The following TENM2 variants were observed in gnomAD, a reference collection of about 807,000 sequenced individuals.
TENM2 encodes the protein teneurin transmembrane protein 2.
Under a neutral mutation model 245.2 loss-of-function variants are expected in TENM2, and 52 were observed. The ratio of observed to expected loss-of-function variants is 0.21; its 90% CI spans 0.17 to 0.27. The LOEUF is 0.27. Ranked by LOEUF, TENM2 falls within the 10% of genes least tolerant of loss-of-function variation. The probability of loss-of-function intolerance (pLI) is 1.00; values close to 1 mark genes in which losing one functional copy is unlikely to be tolerated. For synonymous variants in TENM2, 1,363 were observed against 1,438.9 expected (o/e 0.95, Z 1.19); for missense variants, 3,046 against 3,666.8 (o/e 0.83, Z 4.37).
chr5:167,370,077 T>G (rs972113099), intron 1 of TENM2, among the ~76,000 whole-genome samples: 1 of 152,124 alleles, frequency 6.6e-6, no homozygotes, highest in African/African-American at 2.4e-5. Context: ...GCGCGGTGGC[T>G]CACGCCTGTA....
At chr5:167,200,593 C>T in the TENM2 span, among the ~76,000 whole-genome samples, 1 of 151,976 alleles carries the variant, frequency 6.6e-6, no homozygotes, top group Non-Finnish European at 1.5e-5. Context: ...CAATGTATAG[C>T]ATGTTATGCA....
chr5:167,479,057 T>C (rs1561989910), intron 2 of TENM2, among the ~76,000 whole-genome samples: 1 of 152,080 alleles, frequency 6.6e-6, no homozygotes. Context: ...ATGACAGTGA[T>C]ATCAGTTTGG....
chr5:167,428,703 T>A (rs896733129), intron 2 of TENM2, among the ~76,000 whole-genome samples: 26 of 152,206 alleles, frequency 1.7e-4, no homozygotes, highest in African/African-American at 6.3e-4. Context: ...TGTTTTAGTA[T>A]ATAACTCTGA....
chr5:167,969,737 G>T (rs948591907), intron 4 of TENM2, among the ~76,000 whole-genome samples: 1 of 152,232 alleles, frequency 6.6e-6, no homozygotes, highest in East Asian at 1.9e-4. Flanking sequence ...TATTCTCAAA[G>T]CTTAGAAACC....
At chr5:167,410,274 G>A (rs1762839172) in intron 2 of TENM2, among the ~76,000 whole-genome samples, 1 of 151,940 alleles carries the variant, frequency 6.6e-6, no homozygotes, top group Non-Finnish European at 1.5e-5. Flanking sequence ...TGAGACAGAT[G>A]GCCTATCTTT....
chr5:167,975,189 A>G (rs1364601930), intron 4 of TENM2, among the ~76,000 whole-genome samples: 3 of 152,196 alleles, frequency 2.0e-5, no homozygotes, highest in Non-Finnish European at 2.9e-5. Flanking sequence ...CCAAGATGGC[A>G]GTGACAAGCT....
chr5:168,097,688 G>A (rs951358140), intron 8 of TENM2, among the ~76,000 whole-genome samples: 8 of 152,092 alleles, frequency 5.3e-5, no homozygotes, highest in African/African-American at 1.9e-4. Context: ...CTGACCTCAT[G>A]TGATCCACTT....
intron 2 of TENM2, among the ~76,000 whole-genome samples, chr5:167,435,965 C>CTTTTTTTTTTTTTTTTTTTTTTTT (rs1284748347): frequency 7.9e-6 from 1 of 125,964 alleles, no homozygotes; most frequent in Non-Finnish European, 1.7e-5. Context: ...ATTTCTTTTT[C>CTTTTTTTTTTTTTTTTTTTTTTTT]TTTTTTTTTC....
intron 21 of TENM2, among the ~76,000 whole-genome samples, chr5:168,215,859 G>T (rs1468869654): frequency 1.3e-5 from 2 of 152,184 alleles, no homozygotes; most frequent in East Asian, 3.9e-4. Flanking sequence ...AAAGCCCAGC[G>T]AGGGGCCTCT....
intron 9 of TENM2, among the ~76,000 whole-genome samples, chr5:168,114,277 G>A (rs1487405977): frequency 6.6e-6 from 1 of 152,140 alleles, no homozygotes; most frequent in African/African-American, 2.4e-5. Flanking sequence ...TCCACAGCTG[G>A]TAAGGTACAG....
At chr5:168,183,382 C>CAA (rs113892292) in intron 13 of TENM2, among the ~76,000 whole-genome samples, 1 of 145,662 alleles carries the variant, frequency 6.9e-6, no homozygotes, top group African/African-American at 2.5e-5. Context: ...GGGCCCAGCA[C>CAA]AAAAAAAAAA....
At chr5:166,999,450 A>G in the TENM2 span, among the ~76,000 whole-genome samples, 1 of 152,216 alleles carries the variant, frequency 6.6e-6, no homozygotes, top group Non-Finnish European at 1.5e-5. Flanking sequence ...GTGGCAGATC[A>G]AGCATAGATT....
chr5:167,489,887 A>G (rs998896184), intron 2 of TENM2, among the ~76,000 whole-genome samples: 4 of 152,210 alleles, frequency 2.6e-5, no homozygotes, highest in African/African-American at 9.6e-5. Context: ...TTCTGGTACA[A>G]TAATATTCCA....
chr5:167,385,077 A>G (rs1284188127), intron 2 of TENM2, among the ~76,000 whole-genome samples: 1 of 152,216 alleles, frequency 6.6e-6, no homozygotes, highest in East Asian at 1.9e-4. Flanking sequence ...ATTTAACCAA[A>G]TGATTAAATA....
intron 2 of TENM2, among the ~76,000 whole-genome samples, chr5:167,501,417 G>A (rs1001535920): frequency 5.3e-5 from 8 of 152,078 alleles, no homozygotes; most frequent in African/African-American, 1.9e-4. Flanking sequence ...CAAGTAGAAG[G>A]CACCCAACAA....
chr5:167,424,679 A>G (rs1300136830), intron 2 of TENM2, among the ~76,000 whole-genome samples: 2 of 152,044 alleles, frequency 1.3e-5, no homozygotes. Context: ...GAAATGTAAA[A>G]TTACATCTTG....
intron 2 of TENM2, among the ~76,000 whole-genome samples, chr5:167,436,423 G>T (rs1484905884): frequency 1.3e-5 from 2 of 152,060 alleles, no homozygotes; most frequent in Admixed American, 6.6e-5. Context: ...AGGTAATTTG[G>T]GTGCTGTTAA....
At chr5:167,134,944 T>C in the TENM2 span, among the ~76,000 whole-genome samples, 2 of 152,238 alleles carry the variant, frequency 1.3e-5, no homozygotes, top group African/African-American at 2.4e-5. Context: ...TGAAAAATTC[T>C]ATTGTTAACG....
chr5:167,081,564 A>C, the TENM2 span, among the ~76,000 whole-genome samples: 1 of 152,224 alleles, frequency 6.6e-6, no homozygotes, highest in Non-Finnish European at 1.5e-5. Flanking sequence ...GGCAGAAAGC[A>C]AAGGAGAAAG....
Sources: allele counts gnomAD v4.1 joint callset (sites outside exome capture counted in the v4.1 genomes callset), GRCh38; gene constraint gnomAD v4.1.1; transcripts MANE v1.5; gene names NCBI Gene and HGNC (gene_info 2026-07-23, HGNC 2026-07-21).